WNK1: variants seen among roughly 807,000 people sequenced by gnomAD.
The protein encoded by WNK1 is WNK lysine deficient protein kinase 1.
Under a neutral mutation model 222.8 loss-of-function variants are expected in WNK1, and 38 were observed. That is an observed-to-expected ratio of 0.17 (90% confidence interval 0.13 to 0.22). The LOEUF is 0.22. Among genes scored for constraint, WNK1 ranks in the 10% least tolerant of loss-of-function variants. WNK1 has a pLI of 1.00. For missense variants in WNK1, 2,348 were observed against 2,918.4 expected, an observed-to-expected ratio of 0.80 and a Z score of 4.50; for synonymous variants, 1,090 against 1,092.9, an observed-to-expected ratio of 1.00 and a Z score of 0.05.
chr12:807,868 C>T (rs1345734340), intron 1 of WNK1, among the ~76,000 whole-genome samples: 1 of 151,650 alleles, frequency 6.6e-6, no homozygotes. Context: ...TACAGGCGCG[C>T]GCCACTACGC....
At chr12:800,066 C>T (rs1426922304) in intron 1 of WNK1, among the ~76,000 whole-genome samples, 3 of 152,126 alleles carry the variant, frequency 2.0e-5, no homozygotes, top group Non-Finnish European at 4.4e-5. Flanking sequence ...ATTGCTTGAG[C>T]CTGGGAGGTT....
chr12:835,814 C>T (rs1324899033), intron 4 of WNK1, among the ~76,000 whole-genome samples: 1 of 152,076 alleles, frequency 6.6e-6, no homozygotes, highest in African/African-American at 2.4e-5. Flanking sequence ...ATTAGCTGGG[C>T]ATGATGGCAT....
intron 4 of WNK1, among the ~76,000 whole-genome samples, chr12:840,258 G>A (rs1369777632): frequency 6.7e-6 from 1 of 149,796 alleles, no homozygotes. Flanking sequence ...CTTCTGAATC[G>A]CTAGGACTAC....
intron 14 of WNK1, among the ~76,000 whole-genome samples, chr12:882,302 G>A (rs1373643360): frequency 6.6e-6 from 1 of 152,014 alleles, no homozygotes; most frequent in East Asian, 1.9e-4. Flanking sequence ...GGGTTCAAGC[G>A]ATTCTCCTGC....
chr12:808,393 C>T (rs949756851), intron 1 of WNK1, among the ~76,000 whole-genome samples: 2 of 151,910 alleles, frequency 1.3e-5, no homozygotes, highest in Admixed American at 6.6e-5. Flanking sequence ...AAGTGTGAGC[C>T]GCCATGCCCA....
chr12:831,898 G>A (rs1948821553), intron 4 of WNK1, among the ~76,000 whole-genome samples: 1 of 151,646 alleles, frequency 6.6e-6, no homozygotes, highest in South Asian at 2.1e-4. Context: ...TTTTTTGCAA[G>A]GATACTTAAT....
intron 20 of WNK1, among the ~76,000 whole-genome samples, chr12:887,806 G>A (rs1953816377): frequency 6.6e-6 from 1 of 152,104 alleles, no homozygotes; most frequent in South Asian, 2.1e-4. Context: ...AGGTATAGGG[G>A]TGATGTTTCA....
Position 754,077 on chromosome 12 carries a change from T to C in WNK1, c.512T>C (p.Leu171Pro). ...GACCGCCCAGTGTCCCAGCCTAGCC[T>C]TGTGGGGAGCAAAGAGGAGCCGCCG... is the stretch of plus-strand genomic sequence containing the variant. ...SKDRPVSQPS[L>P]VGSKEEPPPA... Residue 171 changes from leucine (L) to proline (P), a missense_variant, in exon 1 of 28, where the codon CTT (leucine) becomes CCT (proline). By Grantham distance (98) the Leu-to-Pro change is moderately conservative. This residue lies in a region of WNK1 where 185 missense variants were observed against 159.2 expected (regional missense o/e 1.16). Coordinates refer to ENST00000315939, the MANE Select transcript of WNK1 (RefSeq NM_018979.4). 2.5e-6 allele frequency: 4 copies of C among 1,608,616 alleles called. No individual in the cohort carries two copies. Among genetic ancestry groups the C allele is most frequent in the Non-Finnish European group, 3.4e-6 (4 of 1,178,158 alleles).
intron 1 of WNK1, among the ~76,000 whole-genome samples, chr12:812,857 G>C (rs1342140471): frequency 1.3e-5 from 2 of 152,094 alleles, no homozygotes; most frequent in Non-Finnish European, 2.9e-5. Flanking sequence ...GGGAAAAAAA[G>C]AGAATGAGAG....
chr12:835,564 A>G (rs1949115570), intron 4 of WNK1, among the ~76,000 whole-genome samples: 1 of 152,200 alleles, frequency 6.6e-6, no homozygotes, highest in South Asian at 2.1e-4. Context: ...GTGACCAAGC[A>G]CTATACTAGG....
chr12:892,063 CTTTT>C (rs56227513), intron 22 of WNK1, among the ~76,000 whole-genome samples: 1 of 135,076 alleles, frequency 7.4e-6, no homozygotes, highest in Admixed American at 7.4e-5. Flanking sequence ...GCTTGGAAAT[CTTTT>C]TTTTTTTTAA....
At chr12:815,449 TC>T (rs72648615) in intron 2 of WNK1, among the ~76,000 whole-genome samples, 1 of 152,200 alleles carries the variant, frequency 6.6e-6, no homozygotes, top group Admixed American at 6.5e-5. Flanking sequence ...CATGAACAGA[TC>T]ATTTCTGTCC....
At chr12:868,074 GTCT>G (rs1271284993) in intron 8 of WNK1, 3 of 1,613,892 alleles carry the variant, frequency 1.9e-6, no homozygotes, top group Non-Finnish European at 1.7e-6. Context: ...GTTGGCCAAA[GTCT>G]TCTTCCACCT....
chr12:774,330 T>C (rs554498340), intron 1 of WNK1, among the ~76,000 whole-genome samples: 60 of 152,320 alleles, frequency 3.9e-4, no homozygotes, highest in African/African-American at 1.1e-3. Flanking sequence ...TCCTCCAGCA[T>C]CTACCTCTCA....
At chr12:863,558 T>A (rs1048329347) in intron 8 of WNK1, among the ~76,000 whole-genome samples, 1 of 152,122 alleles carries the variant, frequency 6.6e-6, no homozygotes, top group Non-Finnish European at 1.5e-5. Context: ...GCTAAGACTT[T>A]TTTTTTAAAA....
At chr12:902,480 T>C (rs918257573) in intron 26 of WNK1, among the ~76,000 whole-genome samples, 2 of 152,170 alleles carry the variant, frequency 1.3e-5, no homozygotes, top group Admixed American at 6.5e-5. Context: ...GATCTCTTCA[T>C]TGGATCATTC....
intron 8 of WNK1, among the ~76,000 whole-genome samples, chr12:870,883 C>T (rs72649867): frequency 1.2e-3 from 187 of 152,166 alleles, no homozygotes; most frequent in Non-Finnish European, 2.2e-3. Context: ...TACCAAATAC[C>T]TTTCTTTAAT....
rs146461512 is a variant in WNK1 at position 754,183 on chromosome 12, G to A, written c.618G>A (p.Glu206=). 3.3e-5 allele frequency: 53 copies of A among 1,613,638 alleles called. No individual in the cohort carries two copies. The African/African-American group carries it at 6.5e-4, about 20-fold the overall frequency. ...GCCAGCAGCAGGATGATATCGAAGAGCTGGAGACCAAGGCCGTGGGAATGT... is the reference window on the plus strand; with the variant it reads ...GCCAGCAGCAGGATGATATCGAAGAACTGGAGACCAAGGCCGTGGGAATGT... ...ERSQQQDDIE[E]LETKAVGMSN... is the part of the protein sequence containing the mutation. Residue 206 remains glutamate (E), a synonymous_variant, in exon 1 of 28, where the codon GAG becomes GAA. Coordinates refer to ENST00000315939, the MANE Select transcript of WNK1 (RefSeq NM_018979.4).
intron 1 of WNK1, among the ~76,000 whole-genome samples, chr12:772,644 T>A (rs1942670429): frequency 6.6e-6 from 1 of 152,160 alleles, no homozygotes; most frequent in Non-Finnish European, 1.5e-5. Context: ...GAGTATATAT[T>A]ATTTTTTTAA....
Sources: allele counts gnomAD v4.1 joint callset (sites outside exome capture counted in the v4.1 genomes callset), GRCh38; gene constraint gnomAD v4.1.1; regional missense constraint gnomAD v4.1.1; transcripts MANE v1.5; gene names NCBI Gene and HGNC (gene_info 2026-07-23, HGNC 2026-07-21).